TRAPPC12: variants seen among roughly 807,000 people sequenced by gnomAD.
TRAPPC12 encodes the protein trafficking protein particle complex subunit 12.
Under a neutral mutation model 69.2 loss-of-function variants are expected in TRAPPC12, and 61 were observed. The ratio of observed to expected loss-of-function variants is 0.88; its 90% CI spans 0.72 to 1.09. The LOEUF is 1.09. TRAPPC12 is among the 50% of genes least tolerant of loss of function. The pLI is 0.00. For synonymous variants in TRAPPC12, 469 were observed against 438.9 expected (o/e 1.07, Z -0.86); for missense variants, 1,101 against 1,016.4 (o/e 1.08, Z -1.13).
intron 9 of TRAPPC12, among the ~76,000 whole-genome samples, chr2:3,470,298 G>A (rs551051315): frequency 1.3e-5 from 2 of 152,394 alleles, no homozygotes; most frequent in East Asian, 1.9e-4. Flanking sequence ...TGTTCCACAA[G>A]GAAGCTGACG....
chr2:3,421,775 G>T, intron 3 of TRAPPC12, 106 bp from the exon 4 acceptor site: 1 of 1,044,028 alleles, frequency 9.6e-7, no homozygotes. Flanking sequence ...GGCTGGCGCT[G>T]CTTCCAGCAA....
chr2:3,421,995 G>A lies in TRAPPC12; in HGVS notation c.1278+1G>A, dbSNP rs1208609192. On this transcript the variant is annotated splice_donor_variant, in intron 4 of 11. Coordinates refer to ENST00000324266, the MANE Select transcript of TRAPPC12 (RefSeq NM_016030.6). LOFTEE classifies it high-confidence loss of function. The stretch of plus-strand genomic sequence containing the variant: ...CAGCCACACGACAGATTCACTGCAG[G>A]TGAGAACACCTTTCAGGTGCTGGAG... 6.2e-7 allele frequency: 1 copy of A among 1,609,618 alleles called. No homozygotes were observed. Among genetic ancestry groups the A allele is most frequent in the Non-Finnish European group, 8.5e-7 (1 of 1,177,966 alleles).
In TRAPPC12 at chr2:3,388,579, T is replaced by A; in HGVS notation, c.956T>A (p.Val319Asp). The change falls in exon 2 of 12, where the codon GTC becomes GAC. Residue 319 changes from valine to aspartate, a missense_variant. Val to Asp is a radical substitution (Grantham distance 152). Coordinates refer to ENST00000324266, the MANE Select transcript of TRAPPC12 (RefSeq NM_016030.6). ...CTTCCCGGCGAGGCTACGCGTGGAGTCCTGCGGGCCGTGGCCACCCAGCAG... is the reference window on the plus strand; with the variant it reads ...CTTCCCGGCGAGGCTACGCGTGGAGACCTGCGGGCCGTGGCCACCCAGCAG... Reference protein sequence around the residue: ...AWLPGEATRGVLRAVATQQRG... With the variant: ...AWLPGEATRGDLRAVATQQRG... The A allele has an allele frequency of 6.2e-7, 1 of 1,611,434 alleles. No individual in the cohort carries two copies. The highest frequency in any genetic ancestry group is 8.5e-7 in the Non-Finnish European group (1 of 1,179,012).
intron 1 of TRAPPC12, among the ~76,000 whole-genome samples, chr2:3,383,476 A>G (rs981011869): frequency 7.2e-6 from 1 of 139,346 alleles, no homozygotes; most frequent in Non-Finnish European, 1.5e-5. Flanking sequence ...TTGGCTCACT[A>G]CAACCTCTGC....
chr2:3,447,374 A>G (rs759271352), intron 6 of TRAPPC12, among the ~76,000 whole-genome samples: 2 of 152,228 alleles, frequency 1.3e-5, no homozygotes, highest in African/African-American at 2.4e-5. Context: ...CTGGGATTAC[A>G]GGCATGAGCC....
At position 3,391,478 on chromosome 2, in the gene TRAPPC12, G is replaced by A. The variant is rs527326642; in HGVS notation, c.1047+2808G>A. ...CAATTAATTTTTTCAGATAACTGAA[G>A]TGTAAGCCTATAGACATCCGTATTT... On this transcript the variant is annotated intron_variant, in intron 2 of 11. Coordinates refer to ENST00000324266, the MANE Select transcript of TRAPPC12 (RefSeq NM_016030.6). Among the ~76,000 whole-genome samples, 15 of 152,330 alleles carry A rather than the reference G, an allele frequency of 9.8e-5. No homozygotes were observed. In the East Asian group the frequency reaches 2.9e-3, roughly 29 times the overall value.
intron 6 of TRAPPC12, chr2:3,455,463 T>G (rs1192626446): frequency 7.4e-5 from 2 of 27,084 alleles, no homozygotes; most frequent in Non-Finnish European, 1.6e-4. Context: ...ATTTGTTCTA[T>G]TTTTTTTTTG....
intron 2 of TRAPPC12, among the ~76,000 whole-genome samples, chr2:3,392,513 G>T (rs1244507852): frequency 6.6e-6 from 1 of 152,150 alleles, no homozygotes. Flanking sequence ...CTTAGTTCTG[G>T]CCTCTTTGTC....
chr2:3,450,295 G>T (rs1664782531), intron 6 of TRAPPC12, among the ~76,000 whole-genome samples: 1 of 152,328 alleles, frequency 6.6e-6, no homozygotes, highest in Admixed American at 6.5e-5. Context: ...TGCATTCTTT[G>T]CCTTGCTTTT....
At chr2:3,461,680 G>A (rs1665509906) in intron 8 of TRAPPC12, among the ~76,000 whole-genome samples, 1 of 152,226 alleles carries the variant, frequency 6.6e-6, no homozygotes, top group Admixed American at 6.5e-5. Context: ...GTCCCACTGA[G>A]GTCAGGTGGC....
chr2:3,416,467 C>T (rs1265915912), intron 3 of TRAPPC12, among the ~76,000 whole-genome samples: 1 of 151,756 alleles, frequency 6.6e-6, no homozygotes, highest in Non-Finnish European at 1.5e-5. Flanking sequence ...TTCCTAGGCA[C>T]ACCCCTACCC....
chr2:3,472,463 T>A (rs11678655), intron 9 of TRAPPC12: 7 of 151,952 alleles, frequency 4.6e-5, no homozygotes, highest in African/African-American at 1.7e-4. Context: ...AGAGACTGAC[T>A]TCTGGCTGCC....
chr2:3,417,704 GTTC>G (rs1277504360), intron 3 of TRAPPC12, among the ~76,000 whole-genome samples: 1 of 152,106 alleles, frequency 6.6e-6, no homozygotes, highest in Non-Finnish European at 1.5e-5. Context: ...GAACTTCTTT[GTTC>G]TTCTTTCCAC....
Position 3,478,867 on chromosome 2 carries a change from G to A in TRAPPC12, c.1899G>A (p.Gln633=), listed in dbSNP as rs549864486. Residue 633 remains glutamine, a synonymous_variant, in exon 11 of 12, where the codon CAG becomes CAA. Coordinates refer to ENST00000324266, the MANE Select transcript of TRAPPC12 (RefSeq NM_016030.6). ...ACAGCGCGTTCCTTCACCTCGGGCA[G>A]AATAACTTTGCAGAAGCCCACAGGT... is the stretch of plus-strand genomic sequence containing the variant. ...LMNSAFLHLG[Q]NNFAEAHRFF... The A allele has an allele frequency of 1.7e-4, 269 of 1,614,136 alleles. 4 individuals carry two copies. The South Asian group carries it at 2.1e-3, about 13-fold the overall frequency.
intron 3 of TRAPPC12, among the ~76,000 whole-genome samples, chr2:3,412,326 C>T (rs545757598): frequency 5.9e-5 from 9 of 152,116 alleles, no homozygotes; most frequent in African/African-American, 1.9e-4. Context: ...TTTGGGAGGC[C>T]GAGGCAGGTG....
chr2:3,385,871 C>G (rs1225135557), intron 1 of TRAPPC12, among the ~76,000 whole-genome samples: 1 of 152,264 alleles, frequency 6.6e-6, no homozygotes, highest in Non-Finnish European at 1.5e-5. Context: ...TATCCCTGCA[C>G]AGGAAGGACC....
intron 3 of TRAPPC12, among the ~76,000 whole-genome samples, chr2:3,407,219 G>T (rs1376374882): frequency 1.3e-5 from 2 of 152,148 alleles, no homozygotes; most frequent in Non-Finnish European, 2.9e-5. Flanking sequence ...GTCTTAGATG[G>T]AGAAAAGTTA....
chr2:3,451,825 G>A (rs1033280956), intron 6 of TRAPPC12, among the ~76,000 whole-genome samples: 1 of 152,160 alleles, frequency 6.6e-6, no homozygotes, highest in African/African-American at 2.4e-5. Flanking sequence ...ACCATGTCCA[G>A]CCCAGAATTT....
chr2:3,406,205 A>G (rs1308900579), intron 3 of TRAPPC12, among the ~76,000 whole-genome samples: 1 of 152,186 alleles, frequency 6.6e-6, no homozygotes, highest in Non-Finnish European at 1.5e-5. Context: ...ATACACACAC[A>G]GGTCTGTACT....
Sources: allele counts gnomAD v4.1 joint callset (sites outside exome capture counted in the v4.1 genomes callset), GRCh38; gene constraint gnomAD v4.1.1; transcripts MANE v1.5; gene names NCBI Gene and HGNC (gene_info 2026-07-23, HGNC 2026-07-21).